GPC5: variants seen among roughly 807,000 people sequenced by gnomAD.
The protein encoded by GPC5 is glypican-5.
In GPC5, 47 loss-of-function variants were observed where a neutral mutation model predicts 53.9. The ratio of observed to expected loss-of-function variants is 0.87; its 90% CI spans 0.69 to 1.11. The LOEUF (loss-of-function observed/expected upper bound fraction) is 1.11, where lower values mean the gene tolerates loss of function less well. Ranked by LOEUF, GPC5 falls within the 50% of genes most tolerant of loss-of-function variation. The probability of loss-of-function intolerance (pLI) is 0.00; values close to 1 mark genes in which losing one functional copy is unlikely to be tolerated. For synonymous variants in GPC5, 286 were observed against 263.3 expected (o/e 1.09, Z -0.84); for missense variants, 748 against 713.1 (o/e 1.05, Z -0.56).
At chr13:91,478,795 T>TTATATATATATATATATATATA (rs757436599) in intron 2 of GPC5, among the ~76,000 whole-genome samples, 2 of 55,392 alleles carry the variant, frequency 3.6e-5, no homozygotes, top group Admixed American at 2.3e-4. Flanking sequence ...CCATTTGAGT[T>TTATATATATATATATATATATA]TATATATATA....
chr13:91,818,727 G>T (rs545711151), intron 5 of GPC5, among the ~76,000 whole-genome samples: 2 of 152,214 alleles, frequency 1.3e-5, no homozygotes, highest in African/African-American at 2.4e-5. Context: ...GCCCTTGAGG[G>T]TCAATAACTC....
chr13:92,770,392 G>A (rs1241218049), intron 7 of GPC5, among the ~76,000 whole-genome samples: 2 of 142,156 alleles, frequency 1.4e-5, no homozygotes, highest in African/African-American at 5.2e-5. Flanking sequence ...TCCAGCCTGG[G>A]TGACCTAGTG....
At chr13:92,024,963 T>A (rs1007507655) in intron 6 of GPC5, among the ~76,000 whole-genome samples, 7 of 152,296 alleles carry the variant, frequency 4.6e-5, no homozygotes, top group South Asian at 2.1e-4. Flanking sequence ...AAAGTCATCA[T>A]GCTTACTCAG....
intron 7 of GPC5, among the ~76,000 whole-genome samples, chr13:92,455,058 A>T (rs1163493738): frequency 6.6e-6 from 1 of 152,172 alleles, no homozygotes; most frequent in Non-Finnish European, 1.5e-5. Flanking sequence ...ATTGAGAAAG[A>T]GGTACGAACT....
chr13:92,208,688 G>T (rs1175368842), intron 7 of GPC5, among the ~76,000 whole-genome samples: 3 of 152,056 alleles, frequency 2.0e-5, no homozygotes, highest in Admixed American at 6.6e-5. Flanking sequence ...AAGATGAAAG[G>T]GTCGCTCTAC....
At chr13:92,824,625 C>T (rs1363927685) in intron 7 of GPC5, among the ~76,000 whole-genome samples, 1 of 151,876 alleles carries the variant, frequency 6.6e-6, no homozygotes. Flanking sequence ...AGGCCATATA[C>T]ACTACCATTT....
At chr13:92,284,869 G>T (rs548093187) in intron 7 of GPC5, among the ~76,000 whole-genome samples, 3 of 152,096 alleles carry the variant, frequency 2.0e-5, no homozygotes, top group Non-Finnish European at 4.4e-5. Context: ...CCTATTCAAC[G>T]TAGTGTTGGA....
In GPC5 at chr13:91,641,349, AAAAC is replaced by A. The variant is rs1345289729; in HGVS notation, c.326-51829_326-51826del. 7.2e-5 allele frequency among the ~76,000 whole-genome samples: 11 copies of A among 152,276 alleles called. No homozygotes were observed. The South Asian group carries it at 2.1e-3, about 29-fold the overall frequency. The stretch of plus-strand genomic sequence containing the variant: ...TCTCAAAAACAAATCAAAACAAAAC[AAAAC>A]AAACAAACCAAAAAAACCAAACACT... On this transcript the variant is annotated intron_variant, in intron 2 of 7. Coordinates refer to ENST00000377067, the MANE Select transcript of GPC5 (RefSeq NM_004466.6).
intron 7 of GPC5, among the ~76,000 whole-genome samples, chr13:92,853,581 C>A (rs1422200263): frequency 6.6e-6 from 1 of 152,026 alleles, no homozygotes; most frequent in Non-Finnish European, 1.5e-5. Flanking sequence ...ACACAAGTTC[C>A]ACTTGGAGAA....
At chr13:91,711,458 G>A (rs2036224635) in intron 3 of GPC5, among the ~76,000 whole-genome samples, 2 of 151,622 alleles carry the variant, frequency 1.3e-5, no homozygotes, top group Non-Finnish European at 2.9e-5. Context: ...CTGTCAGGGG[G>A]TGGGGGACTG....
At chr13:92,057,923 G>C (rs2041089719) in intron 6 of GPC5, among the ~76,000 whole-genome samples, 1 of 152,072 alleles carries the variant, frequency 6.6e-6, no homozygotes, top group African/African-American at 2.4e-5. Context: ...TTGTATAGCT[G>C]TCTCATTCCT....
chr13:92,206,945 C>T (rs1461982176), intron 7 of GPC5, among the ~76,000 whole-genome samples: 2 of 152,110 alleles, frequency 1.3e-5, no homozygotes, highest in East Asian at 1.9e-4. Flanking sequence ...TCTAGGATAA[C>T]TGAGCTAAAG....
intron 7 of GPC5, among the ~76,000 whole-genome samples, chr13:92,335,736 CTT>C (rs1181994160): frequency 2.0e-5 from 3 of 152,254 alleles, no homozygotes; most frequent in Non-Finnish European, 4.4e-5. Flanking sequence ...TGCTGCCAGT[CTT>C]TTTGCATAGC....
intron 7 of GPC5, among the ~76,000 whole-genome samples, chr13:92,508,078 C>G (rs1383809508): frequency 6.6e-6 from 1 of 152,100 alleles, no homozygotes; most frequent in Non-Finnish European, 1.5e-5. Context: ...ATTCCCCTGC[C>G]TCAGCCTCCC....
chr13:92,034,157 A>G (rs977725889), intron 6 of GPC5, among the ~76,000 whole-genome samples: 11 of 152,206 alleles, frequency 7.2e-5, no homozygotes, highest in Admixed American at 3.3e-4. Context: ...AAAATCTATA[A>G]TTTAATATGG....
chr13:92,855,713 A>G (rs1878975283), intron 7 of GPC5, among the ~76,000 whole-genome samples: 1 of 152,058 alleles, frequency 6.6e-6, no homozygotes, highest in African/African-American at 2.4e-5. Flanking sequence ...CTCAAAGACC[A>G]CTATGAACAT....
At chr13:92,523,579 A>G (rs1479951918) in intron 7 of GPC5, among the ~76,000 whole-genome samples, 2 of 152,124 alleles carry the variant, frequency 1.3e-5, no homozygotes, top group Non-Finnish European at 2.9e-5. Context: ...TTTTAGAAGC[A>G]AAATTTCTAG....
intron 2 of GPC5, among the ~76,000 whole-genome samples, chr13:91,617,556 A>T (rs1261908870): frequency 2.0e-5 from 3 of 152,110 alleles, no homozygotes; most frequent in Non-Finnish European, 2.9e-5. Flanking sequence ...GGATGCTAAG[A>T]TATTCTCTAA....
At chr13:91,475,964 G>GT (rs1321310355) in intron 2 of GPC5, among the ~76,000 whole-genome samples, 1 of 152,196 alleles carries the variant, frequency 6.6e-6, no homozygotes, top group Non-Finnish European at 1.5e-5. Flanking sequence ...TTCAAATCTT[G>GT]TAAGAGGCTG....
Sources: allele counts gnomAD v4.1 joint callset (sites outside exome capture counted in the v4.1 genomes callset), GRCh38; gene constraint gnomAD v4.1.1; transcripts MANE v1.5; gene names NCBI Gene and HGNC (gene_info 2026-07-23, HGNC 2026-07-21).